BAIAP2: variants seen among roughly 807,000 people sequenced by gnomAD.
BAIAP2 encodes the protein BAR/IMD domain-containing adapter protein 2.
BAIAP2 carries 18 observed loss-of-function variants against 63.0 expected under a neutral mutation model. The observed-to-expected ratio is 0.29, with a 90% CI of 0.20 to 0.42. The LOEUF (loss-of-function observed/expected upper bound fraction) is 0.42. Among genes scored for constraint, BAIAP2 ranks in the 10% least tolerant of loss-of-function variants. The pLI is 1.00. For missense variants in BAIAP2, 610 were observed against 734.3 expected (o/e 0.83, Z 1.96); for synonymous variants, 386 against 307.6 (o/e 1.25, Z -2.67).
chr17:81,058,573 G>C (rs961508640), intron 3 of BAIAP2, among the ~76,000 whole-genome samples: 1 of 152,244 alleles, frequency 6.6e-6, no homozygotes, highest in African/African-American at 2.4e-5. Flanking sequence ...GGGTGGTGCT[G>C]AGGTTTCCTC....
At chr17:81,110,047 C>T (rs2059716675) in intron 13 of BAIAP2, 1 of 985,478 alleles carries the variant, frequency 1.0e-6, no homozygotes, top group Non-Finnish European at 1.2e-6. Flanking sequence ...GACTCAGTGG[C>T]TACTGGTATT....
Position 81,116,635 on chromosome 17 carries a change from G to A in BAIAP2, c.*796G>A. On this transcript the variant is annotated 3_prime_UTR_variant, in exon 14 of 14. Coordinates refer to ENST00000428708, the MANE Select transcript of BAIAP2 (RefSeq NM_001144888.2). ...CCGGGGTCTGCCCCAGGACTCCTGGGTGGACCTCCCCCCCCCACCTCCGCT... is the reference window on the plus strand; with the variant it reads ...CCGGGGTCTGCCCCAGGACTCCTGGATGGACCTCCCCCCCCCACCTCCGCT... 1 of 401,900 alleles carries A rather than the reference G, an allele frequency of 2.5e-6. No individual in the cohort carries two copies. Among genetic ancestry groups the A allele is most frequent in the Non-Finnish European group, 4.6e-6 (1 of 216,236 alleles). The allele number at this position is 401,900 out of a possible 1,614,324, so 24.9% of individuals were successfully genotyped here.
chr17:81,107,912 C>T, intron 12 of BAIAP2: 1 of 157,982 alleles, frequency 6.3e-6, no homozygotes, highest in Admixed American at 6.1e-5. Context: ...GGGTCTGCAT[C>T]TGCCCTAGGC....
At chr17:81,096,206 T>C (rs2057585053) in intron 6 of BAIAP2, among the ~76,000 whole-genome samples, 2 of 152,194 alleles carry the variant, frequency 1.3e-5, no homozygotes, top group Admixed American at 1.3e-4. Context: ...AGTGCCTCAG[T>C]TTCTTTTGCC....
chr17:81,087,972 G>GC (rs1229434091), intron 6 of BAIAP2: 2 of 152,148 alleles, frequency 1.3e-5, no homozygotes, highest in Non-Finnish European at 2.9e-5. Flanking sequence ...GCTGCAGCGA[G>GC]CCGTCCTCAA....
chr17:81,098,539 A>G (rs1245140072), intron 6 of BAIAP2, among the ~76,000 whole-genome samples: 1 of 152,078 alleles, frequency 6.6e-6, no homozygotes, highest in Non-Finnish European at 1.5e-5. Context: ...GATCACCACC[A>G]CCATCCATCT....
rs768945991 is a variant in BAIAP2 at position 81,116,284 on chromosome 17, C to G, written c.*445C>G. Reference sequence around the variant, plus strand: ...GCCGGGAGCACGGGGATGGGAGCGCCCGCACCCTGGCTGGAAGATGAACTT... The same window carrying G: ...GCCGGGAGCACGGGGATGGGAGCGCGCGCACCCTGGCTGGAAGATGAACTT... On this transcript the variant is annotated 3_prime_UTR_variant, in exon 14 of 14. Transcript: ENST00000428708. 1.8e-4 allele frequency: 285 copies of G among 1,612,792 alleles called. No homozygotes were observed. Among genetic ancestry groups the G allele is most frequent in the Non-Finnish European group, 2.4e-4 (278 of 1,179,950 alleles).
chr17:81,048,916 A>G (rs2048239846), intron 1 of BAIAP2, among the ~76,000 whole-genome samples: 1 of 152,258 alleles, frequency 6.6e-6, no homozygotes, highest in South Asian at 2.1e-4. Flanking sequence ...GCGTCCTATG[A>G]GGGGAAGCCT....
chr17:81,099,801 GT>G (rs2058244482), intron 6 of BAIAP2, 126 bp from the exon 7 acceptor site: 4 of 1,139,420 alleles, frequency 3.5e-6, no homozygotes, highest in Non-Finnish European at 4.9e-6. Flanking sequence ...CGCAGATGCT[GT>G]TTTGTTTCCA....
chr17:81,095,287 G>C (rs543154211), intron 6 of BAIAP2, among the ~76,000 whole-genome samples: 2 of 152,180 alleles, frequency 1.3e-5, no homozygotes, highest in Non-Finnish European at 2.9e-5. Flanking sequence ...AGACCAGGCC[G>C]TGCTCTGTCC....
intron 3 of BAIAP2, among the ~76,000 whole-genome samples, chr17:81,067,348 CTG>C (rs1187874453): frequency 6.6e-6 from 1 of 152,222 alleles, no homozygotes; most frequent in Admixed American, 6.5e-5. Flanking sequence ...CTGCTGAACT[CTG>C]TGGGGACCCT....
At chr17:81,056,158 C>G (rs1442683402) in intron 2 of BAIAP2, among the ~76,000 whole-genome samples, 1 of 152,162 alleles carries the variant, frequency 6.6e-6, no homozygotes, top group Non-Finnish European at 1.5e-5. Context: ...AGGCCCGGCT[C>G]GAGGTGGGTG....
chr17:81,044,011 C>T (rs950292554), intron 1 of BAIAP2, among the ~76,000 whole-genome samples: 3 of 152,200 alleles, frequency 2.0e-5, no homozygotes, highest in Non-Finnish European at 4.4e-5. Flanking sequence ...GATCAGAGGT[C>T]AGTGGTCCAG....
intron 13 of BAIAP2, chr17:81,109,398 A>G (rs1411043164): frequency 9.8e-7 from 1 of 1,025,486 alleles, no homozygotes; most frequent in Non-Finnish European, 1.2e-6. Flanking sequence ...AAAAAAAAGA[A>G]AAAAAGAAAA....
chr17:81,090,000 C>T (rs1219652134), intron 6 of BAIAP2, among the ~76,000 whole-genome samples: 1 of 152,180 alleles, frequency 6.6e-6, no homozygotes, highest in African/African-American at 2.4e-5. Context: ...TCCCAGGTCC[C>T]AGGGGCCCTG....
chr17:81,036,850 T>C, intron 1 of BAIAP2: 1 of 1,533,152 alleles, frequency 6.5e-7, no homozygotes, highest in Non-Finnish European at 8.7e-7. Context: ...TTACGACTTG[T>C]TTGTGATTGC....
intron 12 of BAIAP2, 178 bp downstream of exon 12, chr17:81,107,085 A>G (rs896607911): frequency 4.0e-6 from 3 of 757,508 alleles, no homozygotes; most frequent in Admixed American, 3.6e-5. Context: ...CTTCGGCCTC[A>G]GGCTGCCCGC....
intron 1 of BAIAP2, 118 bp from the exon 2 acceptor site, chr17:81,053,550 G>A: frequency 3.9e-6 from 4 of 1,023,060 alleles, no homozygotes; most frequent in Non-Finnish European, 6.1e-6. Context: ...TTGAGCATTT[G>A]TGGTGTCGAC....
intron 13 of BAIAP2, 40 bp from the exon 14 acceptor site, chr17:81,115,730 C>G: frequency 6.2e-7 from 1 of 1,612,640 alleles, no homozygotes; most frequent in African/African-American, 1.3e-5. Flanking sequence ...TCACCCATGG[C>G]TTCCGCCCTA....
Sources: gnomAD v4.1 joint callset for allele counts (sites outside exome capture counted in the v4.1 genomes callset) on GRCh38, gnomAD v4.1.1 for gene constraint, MANE v1.5 for transcripts, NCBI Gene and HGNC (gene_info 2026-07-23, HGNC 2026-07-21) for gene names.